ANKRD55: variants seen among roughly 807,000 people sequenced by gnomAD.
ANKRD55 encodes the protein ankyrin repeat domain 55, also known as ankyrin repeat domain-containing protein 55.
Under a neutral mutation model 60.6 loss-of-function variants are expected in ANKRD55, and 41 were observed. The observed-to-expected ratio is 0.68, with a 90% confidence interval of 0.53 to 0.88. The LOEUF is 0.88. Ranked by LOEUF, ANKRD55 falls within the 40% of genes least tolerant of loss-of-function variation. The pLI is 0.00. For missense variants in ANKRD55, 732 were observed against 767.6 expected, an observed-to-expected ratio of 0.95 and a Z score of 0.55; for synonymous variants, 264 against 290.3, an observed-to-expected ratio of 0.91 and a Z score of 0.92.
At chr5:56,213,496 G>T (rs545206928) in intron 2 of ANKRD55, among the ~76,000 whole-genome samples, 1 of 151,044 alleles carries the variant, frequency 6.6e-6, no homozygotes. Flanking sequence ...ACAAAAAGTA[G>T]GTAAGAATAT....
Position 56,186,228 on chromosome 5 carries a change from C to T in ANKRD55, c.59-2594G>A, listed in dbSNP as rs150460224. On this transcript the variant is annotated intron_variant, in intron 2 of 11. Coordinates refer to ENST00000341048, the MANE Select transcript of ANKRD55 (RefSeq NM_024669.3). The stretch of plus-strand genomic sequence containing the variant: ...GGTCACCCATGCTGGAGTGCAGTGG[C>T]GTGATCTTGGCTCACTGCAGCCTTG... 3.2e-3 allele frequency among the ~76,000 whole-genome samples: 483 copies of T among 152,224 alleles called. 4 individuals carry two copies. The highest frequency in any genetic ancestry group is 0.011 in the African/African-American group (445 of 41,516).
intron 2 of ANKRD55, among the ~76,000 whole-genome samples, chr5:56,186,261 A>G (rs923403408): frequency 1.3e-5 from 2 of 152,168 alleles, no homozygotes; most frequent in African/African-American, 4.8e-5. Flanking sequence ...TTGACCTCCC[A>G]GGCCCAAGTG....
At chr5:56,109,960 G>T (rs770175179) in intron 10 of ANKRD55, among the ~76,000 whole-genome samples, 1 of 152,060 alleles carries the variant, frequency 6.6e-6, no homozygotes, top group Non-Finnish European at 1.5e-5. Context: ...GGAGGTTGTA[G>T]TGAGCAGAGA....
chr5:56,208,134 A>G (rs190511944), intron 2 of ANKRD55, among the ~76,000 whole-genome samples: 30 of 152,284 alleles, frequency 2.0e-4, no homozygotes, highest in Admixed American at 1.8e-3. Flanking sequence ...ACACAGGGTC[A>G]GGATCTTCAA....
At chr5:56,136,188 A>T (rs7701509) in intron 7 of ANKRD55, among the ~76,000 whole-genome samples, 34,509 of 152,184 alleles carry the variant, frequency 0.23, 5,560 homozygotes, top group African/African-American at 0.45. Context: ...CAGTTCTTCA[A>T]AATTTGATCT....
At chr5:56,132,183 TTGTAAA>T (rs1231201785) in intron 7 of ANKRD55, among the ~76,000 whole-genome samples, 1 of 151,900 alleles carries the variant, frequency 6.6e-6, no homozygotes, top group Non-Finnish European at 1.5e-5. Flanking sequence ...TTTCGATTAG[TTGTAAA>T]CATACTTGGT....
Position 56,102,573 on chromosome 5 carries a change from C to A in ANKRD55, c.1644G>T (p.Gln548His). 3.1e-6 allele frequency: 5 copies of A among 1,612,928 alleles called. No individual in the cohort carries two copies. Among genetic ancestry groups the A allele is most frequent in the Non-Finnish European group, 3.4e-6 (4 of 1,179,302 alleles). The change falls in exon 11 of 12, where the codon CAG (glutamine) becomes CAT (histidine). Residue 548 changes from glutamine (Q) to histidine (H), a missense_variant. Gln to His is a conservative substitution (Grantham distance 24). This residue lies in a region of ANKRD55 where 597 missense variants were observed against 607.5 expected (regional missense o/e 0.98). Transcript: ENST00000341048. ...LHNPSSGQNF[Q>H]HLSPNRHKIR... Reference sequence around the variant, plus strand: ...TTTTGTGTCTGTTTGGGGAAAGATGCTGAAAATTTTGTCCTGAAGATAAAC... The same window carrying A: ...TTTTGTGTCTGTTTGGGGAAAGATGATGAAAATTTTGTCCTGAAGATAAAC...
chr5:56,114,718 T>C (rs1401018609), intron 9 of ANKRD55, among the ~76,000 whole-genome samples: 1 of 152,244 alleles, frequency 6.6e-6, no homozygotes, highest in Admixed American at 6.5e-5. Context: ...AATTCATTGA[T>C]ATGGTGAGAA....
intron 6 of ANKRD55, among the ~76,000 whole-genome samples, chr5:56,152,811 C>T (rs1758089449): frequency 6.6e-6 from 1 of 151,536 alleles, no homozygotes; most frequent in South Asian, 2.1e-4. Context: ...AAAATGAAAC[C>T]ATATATTAAA....
At chr5:56,225,872 A>T (rs1156689362) in intron 2 of ANKRD55, among the ~76,000 whole-genome samples, 2 of 152,192 alleles carry the variant, frequency 1.3e-5, no homozygotes, top group East Asian at 3.8e-4. Context: ...ATGCTCATGG[A>T]TAGGAAGAAT....
intron 2 of ANKRD55, among the ~76,000 whole-genome samples, chr5:56,219,123 A>G (rs1376242417): frequency 1.3e-5 from 2 of 151,852 alleles, no homozygotes; most frequent in East Asian, 3.9e-4. Context: ...AAATACAAAA[A>G]TTAGCCAGGC....
intron 2 of ANKRD55, among the ~76,000 whole-genome samples, chr5:56,210,251 CTTT>C (rs769928150): frequency 6.6e-6 from 1 of 152,006 alleles, no homozygotes; most frequent in Non-Finnish European, 1.5e-5. Context: ...TGTTGGTATC[CTTT>C]CTATTGTCTC....
rs1757561949 is a variant in ANKRD55 at position 56,135,356 on chromosome 5, T to TTTTTCTTTCTTTCTTTCTTTCTTTCTTTC, written c.613-8251_613-8250insGAAAGAAAGAAAGAAAGAAAGAAAGAAAA. On this transcript the variant is annotated intron_variant, in intron 7 of 11. Transcript: ENST00000341048. The stretch of plus-strand genomic sequence containing the variant: ...CTTTCTTTCTTTCTTTCTTTCTTTC[T>TTTTTCTTTCTTTCTTTCTTTCTTTCTTTC]TTCTTTCTTTCCTTCTTTCTTTCTT... Among the ~76,000 whole-genome samples the TTTTTCTTTCTTTCTTTCTTTCTTTCTTTC allele has an allele frequency of 5.1e-3, 274 of 53,718 alleles. 18 individuals carry two copies. The highest frequency in any genetic ancestry group is 0.022 in the African/African-American group (263 of 12,142). 35.2% of individuals were successfully genotyped at this position (53,718 alleles called of 152,430 possible).
chr5:56,157,473 T>C (rs1354011547), intron 6 of ANKRD55, among the ~76,000 whole-genome samples: 1 of 152,162 alleles, frequency 6.6e-6, no homozygotes, highest in East Asian at 1.9e-4. Context: ...GCAGTTGAGA[T>C]AAGAGGAAGG....
Position 56,190,742 on chromosome 5 carries a change from C to T in ANKRD55, c.59-7108G>A, listed in dbSNP as rs74593907. 7.8e-4 allele frequency among the ~76,000 whole-genome samples: 118 copies of T among 152,162 alleles called. No homozygotes were observed. In the East Asian group the frequency reaches 0.017, roughly 21 times the overall value. ...ATGGCAGAAGGGTGAAAGGCAGAAGCGAGCATCTGAGACAGAAGAGGAAAT... is the reference window on the plus strand; with the variant it reads ...ATGGCAGAAGGGTGAAAGGCAGAAGTGAGCATCTGAGACAGAAGAGGAAAT... On this transcript the variant is annotated intron_variant, in intron 2 of 11. Coordinates refer to ENST00000341048, the MANE Select transcript of ANKRD55 (RefSeq NM_024669.3).
At chr5:56,226,149 A>G (rs1276048557) in intron 2 of ANKRD55, among the ~76,000 whole-genome samples, 1 of 152,224 alleles carries the variant, frequency 6.6e-6, no homozygotes, top group Non-Finnish European at 1.5e-5. Context: ...GACCAATAGA[A>G]CAGAACAGAG....
rs375308797 is a variant in ANKRD55, at chr5:56,157,864, TTTC to T, written c.483+1966_483+1968del. ...TGAGCGCCAGTCCCGTGGGCCCACT[TTTC>T]TTCTTCTATACTTTGTCTCTGTGTC... On this transcript the variant is annotated intron_variant, in intron 6 of 11. Coordinates refer to ENST00000341048, the MANE Select transcript of ANKRD55 (RefSeq NM_024669.3). 4.2e-3 allele frequency among the ~76,000 whole-genome samples: 639 copies of T among 152,208 alleles called. 2 individuals are homozygous for T. The highest frequency in any genetic ancestry group is 0.015 in the African/African-American group (622 of 41,520).
At chr5:56,230,357 C>T (rs1438988200) in intron 2 of ANKRD55, among the ~76,000 whole-genome samples, 3 of 152,168 alleles carry the variant, frequency 2.0e-5, no homozygotes, top group South Asian at 2.1e-4. Context: ...CCTCCCAAAG[C>T]ACTGGGATTA....
chr5:56,226,125 A>G (rs1016855167), intron 2 of ANKRD55, among the ~76,000 whole-genome samples: 1 of 152,248 alleles, frequency 6.6e-6, no homozygotes, highest in African/African-American at 2.4e-5. Flanking sequence ...TACTGGTACC[A>G]AAACAGAGAT....
Sources: gnomAD v4.1 joint callset for allele counts (sites outside exome capture counted in the v4.1 genomes callset) on GRCh38, gnomAD v4.1.1 for gene constraint, gnomAD v4.1.1 regional missense constraint, MANE v1.5 for transcripts, NCBI Gene and HGNC (gene_info 2026-07-23, HGNC 2026-07-21) for gene names.